Variants in SLC25A30 observed in about 807,000 individuals in gnomAD.
SLC25A30 encodes solute carrier family 25 member 30, also known as kidney mitochondrial carrier protein 1.
In SLC25A30, 29 loss-of-function variants were observed where a neutral mutation model predicts 42.7. That is an observed-to-expected ratio of 0.68 (90% CI 0.51 to 0.93). The LOEUF is 0.93. Ranked by LOEUF, SLC25A30 falls within the 40% of genes least tolerant of loss-of-function variation. SLC25A30 has a pLI of 0.00. For synonymous variants in SLC25A30, 124 were observed against 131.0 expected, an observed-to-expected ratio of 0.95 and a Z score of 0.37; for missense variants, 300 against 359.7, an observed-to-expected ratio of 0.83 and a Z score of 1.34.
At chr13:45,411,562 T>C in intron 1 of SLC25A30, 82 bp from the exon 2 acceptor site, 3 of 897,172 alleles carry the variant, frequency 3.3e-6, no homozygotes, top group Non-Finnish European at 3.5e-6. Flanking sequence ...CTAGGTTTTA[T>C]TTGGAGAGTG....
chr13:45,424,396 T>G, the SLC25A30 span, among the ~76,000 whole-genome samples: 1 of 68,364 alleles, frequency 1.5e-5, no homozygotes, highest in Non-Finnish European at 2.5e-5. Context: ...TATAAATATA[T>G]AAATATATAA....
chr13:45,424,664 G>A, the SLC25A30 span, among the ~76,000 whole-genome samples: 2 of 50,752 alleles, frequency 3.9e-5, no homozygotes, highest in Non-Finnish European at 7.2e-5. Flanking sequence ...TAAATATATA[G>A]AAATATATAT....
At position 45,397,358 on chromosome 13, in the gene SLC25A30, A is replaced by C. The variant is rs181982887; in HGVS notation, c.754-20T>G. ...CCATGTCTGTTAAAAGAAGAAAAAA[A>C]AGTTAACTTCCAACTTTCTAATTAT... On this transcript the variant is annotated intron_variant, in intron 8 of 9. Transcript: ENST00000519676. 31 of 1,562,186 alleles carry C rather than the reference A, an allele frequency of 2.0e-5. No individual in the cohort carries two copies. In the African/African-American group the frequency reaches 3.8e-4, roughly 19 times the overall value.
chr13:45,431,276 G>A, the SLC25A30 span, among the ~76,000 whole-genome samples: 10,415 of 10,428 alleles, frequency 1, 5,201 homozygotes, highest in Middle Eastern at 1. Flanking sequence ...CGAACTCCTA[G>A]CCTCAAGTGA....
the SLC25A30 span, among the ~76,000 whole-genome samples, chr13:45,423,603 AT>A: frequency 1.3e-3 from 144 of 107,730 alleles, 10 homozygotes; most frequent in South Asian, 4.8e-3. Flanking sequence ...ATATATATAT[AT>A]AAATATATAT....
At chr13:45,425,609 C>CTTATATATATTTATATATATGTAT in the SLC25A30 span, among the ~76,000 whole-genome samples, 1 of 27,146 alleles carries the variant, frequency 3.7e-5, no homozygotes, top group Admixed American at 3.9e-4. Flanking sequence ...TATATATATA[C>CTTATATATATTTATATATATGTAT]ATATATAAAT....
upstream of SLC25A30, among the ~76,000 whole-genome samples, chr13:45,419,345 C>T (rs1482188270): frequency 1.3e-5 from 2 of 151,050 alleles, no homozygotes; most frequent in African/African-American, 2.4e-5. Flanking sequence ...TTAGACAGAG[C>T]CTCACTCTTG....
chr13:45,426,225 T>G, the SLC25A30 span, among the ~76,000 whole-genome samples: 2 of 151,944 alleles, frequency 1.3e-5, no homozygotes, highest in South Asian at 4.2e-4. Context: ...TGGCTGGGAC[T>G]ACAGGCGTGC....
At chr13:45,397,068 C>G in intron 9 of SLC25A30, 190 bp downstream of exon 9, 2 of 559,074 alleles carry the variant, frequency 3.6e-6, no homozygotes, top group Non-Finnish European at 3.1e-6. Flanking sequence ...ACCATCAAAG[C>G]AAGATTCAGT....
intron 6 of SLC25A30, among the ~76,000 whole-genome samples, chr13:45,401,665 A>AT (rs761127048): frequency 2.8e-4 from 42 of 151,438 alleles, no homozygotes; most frequent in Admixed American, 4.0e-4. Context: ...CTCCATAAGA[A>AT]TTTAAAAAAA....
upstream of SLC25A30, among the ~76,000 whole-genome samples, chr13:45,422,311 T>C (rs1288708052): frequency 6.6e-6 from 1 of 152,038 alleles, no homozygotes; most frequent in Non-Finnish European, 1.5e-5. Context: ...GTCAGACCTT[T>C]TAGGGGTAAC....
At chr13:45,425,406 A>G in the SLC25A30 span, among the ~76,000 whole-genome samples, 1 of 113,400 alleles carries the variant, frequency 8.8e-6, no homozygotes, top group Non-Finnish European at 1.6e-5. Flanking sequence ...ATATGTATAT[A>G]TATAAATATA....
At chr13:45,406,963 A>G (rs922546426) in intron 3 of SLC25A30, among the ~76,000 whole-genome samples, 3 of 152,122 alleles carry the variant, frequency 2.0e-5, no homozygotes, top group Non-Finnish European at 4.4e-5. Flanking sequence ...CAAGGCTTCA[A>G]CTGCCATCTA....
At chr13:45,398,894 A>G in intron 8 of SLC25A30, 46 bp downstream of exon 8, 1 of 1,583,958 alleles carries the variant, frequency 6.3e-7, no homozygotes, top group East Asian at 2.2e-5. Flanking sequence ...TTAGATCAAA[A>G]AAATATATAA....
the SLC25A30 span, among the ~76,000 whole-genome samples, chr13:45,424,666 A>AATATATATAAATATAT: frequency 2.9e-5 from 2 of 69,168 alleles, no homozygotes; most frequent in African/African-American, 1.0e-4. Flanking sequence ...AATATATAGA[A>AATATATATAAATATAT]ATATATATAG....
the SLC25A30 span, among the ~76,000 whole-genome samples, chr13:45,430,024 A>G: frequency 6.6e-6 from 1 of 152,098 alleles, no homozygotes; most frequent in Admixed American, 6.6e-5. Flanking sequence ...TTTGAAGTGA[A>G]TTAGAAATAG....
chr13:45,394,459 T>C lies in SLC25A30; in HGVS notation c.*1515A>G. The C allele has an allele frequency of 2.0e-6, 2 of 985,438 alleles. No homozygotes were observed. Among genetic ancestry groups the C allele is most frequent in the Non-Finnish European group, 2.4e-6 (2 of 829,938 alleles). 61.0% of individuals were successfully genotyped at this position (985,438 alleles called of 1,614,324 possible). ...GGCCAGACTGGGAATTTGGCCGCAC[T>C]ACTGTGGAAGGAGAATGCCCTGGAG... is the stretch of plus-strand genomic sequence containing the variant. On this transcript the variant is annotated 3_prime_UTR_variant, in exon 10 of 10. Transcript: ENST00000519676.
chr13:45,402,698 A>G (rs914334325), intron 5 of SLC25A30: 2 of 843,988 alleles, frequency 2.4e-6, no homozygotes, highest in Non-Finnish European at 2.9e-6. Flanking sequence ...CTACTACTAT[A>G]TAGGTGAGAG....
chr13:45,423,924 TA>T, the SLC25A30 span, among the ~76,000 whole-genome samples: 1 of 55,422 alleles, frequency 1.8e-5, no homozygotes, highest in Non-Finnish European at 3.6e-5. Context: ...AAAATATATA[TA>T]AACATATATA....
Sources: gnomAD v4.1 joint callset for allele counts (sites outside exome capture counted in the v4.1 genomes callset) on GRCh38, gnomAD v4.1.1 for gene constraint, MANE v1.5 for transcripts, NCBI Gene and HGNC (gene_info 2026-07-23, HGNC 2026-07-21) for gene names.